Variants in SBF2 observed in about 807,000 individuals in gnomAD.
The protein encoded by SBF2 is myotubularin-related protein 13.
In SBF2, 112 loss-of-function variants were observed where a neutral mutation model predicts 225.2. The ratio of observed to expected loss-of-function variants is 0.50; its 90% CI spans 0.43 to 0.58. The LOEUF (loss-of-function observed/expected upper bound fraction) is 0.58, where lower values mean the gene tolerates loss of function less well. Ranked by LOEUF, SBF2 falls within the 20% of genes least tolerant of loss-of-function variation. The probability of loss-of-function intolerance (pLI) is 0.00; values close to 1 mark genes in which losing one functional copy is unlikely to be tolerated. For synonymous variants in SBF2, 763 were observed against 773.3 expected (o/e 0.99, Z 0.22); for missense variants, 1,996 against 2,206.2 (o/e 0.90, Z 1.91).
chr11:10,005,180 G>A (rs926793456), intron 6 of SBF2, among the ~76,000 whole-genome samples: 1 of 152,190 alleles, frequency 6.6e-6, no homozygotes. Context: ...CTCAGGAGTT[G>A]GCGAGCGGGC....
chr11:10,082,137 T>C (rs1268605361), intron 2 of SBF2, among the ~76,000 whole-genome samples: 1 of 151,896 alleles, frequency 6.6e-6, no homozygotes, highest in Non-Finnish European at 1.5e-5. Context: ...CAAAAGGAAA[T>C]GGATAAGTTC....
intron 33 of SBF2, among the ~76,000 whole-genome samples, chr11:9,795,042 G>A (rs1347782602): frequency 6.6e-6 from 1 of 152,154 alleles, no homozygotes; most frequent in Non-Finnish European, 1.5e-5. Context: ...ATATTGAACA[G>A]AACTGATTTT....
At position 9,822,073 on chromosome 11, in the gene SBF2, G is replaced by A. The variant is rs530239132; in HGVS notation, c.3794-5049C>T. On this transcript the variant is annotated intron_variant, in intron 28 of 39. Transcript: ENST00000256190. Reference sequence around the variant, plus strand: ...AATGACAACTAACATCTATTAAAATGCTACTATGGGCTAGTTACTAAGTTA... The same window carrying A: ...AATGACAACTAACATCTATTAAAATACTACTATGGGCTAGTTACTAAGTTA... Among the ~76,000 whole-genome samples, 221 of 152,148 alleles carry A rather than the reference G, an allele frequency of 1.5e-3. 1 individual carries two copies. Among genetic ancestry groups the A allele is most frequent in the African/African-American group, 5.0e-3 (209 of 41,506 alleles).
Position 9,790,642 on chromosome 11 carries a change from C to T in SBF2, c.4612G>A (p.Gly1538Arg), listed in dbSNP as rs1433835944. The change falls in exon 34 of 40, where the codon GGA becomes AGA. Residue 1538 changes from glycine (G) to arginine (R), a missense_variant. By Grantham distance (125) the Gly-to-Arg change is moderately radical (BLOSUM62 -2). Coordinates refer to ENST00000256190, the MANE Select transcript of SBF2 (RefSeq NM_030962.4). Reference protein sequence around the residue: ...DDKGEKHAKKGVCIWECIDRM... With the variant: ...DDKGEKHAKKRVCIWECIDRM... ...TCAATACATTCCCAAATACAGACTC[C>T]TTTTTTGGCATGCTTTTCTCCTTTA... The T allele has an allele frequency of 2.5e-6, 4 of 1,587,460 alleles. No homozygotes were observed. The Admixed American group carries it at 6.7e-5, about 27-fold the overall frequency.
chr11:10,223,029 C>A (rs757439105), intron 1 of SBF2, among the ~76,000 whole-genome samples: 1 of 151,818 alleles, frequency 6.6e-6, no homozygotes, highest in Non-Finnish European at 1.5e-5. Flanking sequence ...GTCTGTTTAC[C>A]TCTCAAACTG....
chr11:9,934,687 C>A (rs1864750693), intron 16 of SBF2, among the ~76,000 whole-genome samples: 1 of 152,182 alleles, frequency 6.6e-6, no homozygotes, highest in African/African-American at 2.4e-5. Flanking sequence ...ATCACATAAA[C>A]AGAACCAACA....
chr11:10,059,347 G>A (rs763768873), intron 2 of SBF2, among the ~76,000 whole-genome samples: 8 of 151,952 alleles, frequency 5.3e-5, no homozygotes, highest in Non-Finnish European at 7.4e-5. Flanking sequence ...TAAAAAAGCA[G>A]GGGTTGCAAT....
intron 28 of SBF2, among the ~76,000 whole-genome samples, chr11:9,821,669 A>G (rs1381934526): frequency 1.3e-5 from 2 of 152,226 alleles, no homozygotes; most frequent in African/African-American, 4.8e-5. Context: ...AAATCACTCT[A>G]ATAGGTCAAA....
chr11:9,785,339 G>T, intron 36 of SBF2, 21 bp from the exon 37 acceptor site: 2 of 1,604,994 alleles, frequency 1.2e-6, no homozygotes, highest in Non-Finnish European at 1.7e-6. Context: ...CAGGACAGGA[G>T]CTAGGAAACC....
At chr11:10,271,264 C>T (rs1271831263) in intron 1 of SBF2, among the ~76,000 whole-genome samples, 2 of 37,784 alleles carry the variant, frequency 5.3e-5, no homozygotes, top group African/African-American at 1.4e-4. Flanking sequence ...AGTTTTTAAT[C>T]ATTTACAATG....
At chr11:10,151,052 T>G (rs922755295) in intron 2 of SBF2, among the ~76,000 whole-genome samples, 7 of 152,356 alleles carry the variant, frequency 4.6e-5, no homozygotes, top group African/African-American at 1.7e-4. Flanking sequence ...CCCAACTTTC[T>G]ATGCTAAAGG....
intron 13 of SBF2, among the ~76,000 whole-genome samples, chr11:9,985,153 G>A (rs1268858386): frequency 1.3e-5 from 2 of 152,084 alleles, no homozygotes; most frequent in African/African-American, 2.4e-5. Context: ...AAAAGATACA[G>A]AACTGAAGAA....
chr11:9,808,046 C>T lies in SBF2; in HGVS notation c.4397G>A (p.Ser1466Asn), dbSNP rs1853952353. 1 of 1,614,206 alleles carries T rather than the reference C, an allele frequency of 6.2e-7. No individual in the cohort carries two copies. Among genetic ancestry groups the T allele is most frequent in the Non-Finnish European group, 8.5e-7 (1 of 1,180,018 alleles). The change falls in exon 32 of 40, where the codon AGT (serine) becomes AAT (asparagine). Residue 1466 changes from serine (S) to asparagine (N), a missense_variant. Ser to Asn is a conservative substitution (Grantham distance 46). Transcript: ENST00000256190. Reference sequence around the variant, plus strand: ...CTGTAAGAAGACTGGAGCAAAACCACTCCCCTGACAGTTGAGGGTCAAGCT... The same window carrying T: ...CTGTAAGAAGACTGGAGCAAAACCATTCCCCTGACAGTTGAGGGTCAAGCT... ...RSSLTLNCQG[S>N]GFAPVFLQFL...
In SBF2 at chr11:9,856,561, T is replaced by C. The variant is rs745452169; in HGVS notation, c.2260A>G (p.Met754Val). ...FSQAIHFANL[M>V]VNLLVPLDTS... ...TCGAGTGGAACTAGCAGGTTCACCA[T>C]GAGGTTTGCAAAGTGAATGGCCTGA... The change falls in exon 19 of 40, where the codon ATG (methionine) becomes GTG (valine). Residue 754 changes from methionine to valine, a missense_variant. By Grantham distance (21) the Met-to-Val change is conservative. Transcript: ENST00000256190. 4 of 1,609,618 alleles carry C rather than the reference T, an allele frequency of 2.5e-6. No individual in the cohort carries two copies. In the South Asian group the frequency reaches 3.3e-5, roughly 13 times the overall value.
chr11:9,816,704 A>G, intron 29 of SBF2, 136 bp downstream of exon 29: 1 of 648,940 alleles, frequency 1.5e-6, no homozygotes, highest in Non-Finnish European at 2.5e-6. Flanking sequence ...GGAGAGCTAA[A>G]TTTTTTGAGA....
In SBF2 at chr11:10,236,867, A is replaced by G. The variant is rs888066302; in HGVS notation, c.56-42880T>C. On this transcript the variant is annotated intron_variant, in intron 1 of 39. Coordinates refer to ENST00000256190, the MANE Select transcript of SBF2 (RefSeq NM_030962.4). ...ATTTGGACTAACTTCTCTGATGGAA[A>G]CAAATAGAAAAGCTGGATAAATCTG... Among the ~76,000 whole-genome samples, 4 of 152,366 alleles carry G rather than the reference A, an allele frequency of 2.6e-5. No homozygotes were observed. The East Asian group carries it at 5.8e-4, about 22-fold the overall frequency.
chr11:10,252,085 A>T (rs895779950), intron 1 of SBF2, among the ~76,000 whole-genome samples: 2 of 152,234 alleles, frequency 1.3e-5, no homozygotes, highest in African/African-American at 4.8e-5. Flanking sequence ...CCTAGAACAG[A>T]CCAGGTTCTG....
chr11:9,908,469 C>CA (rs988854140), intron 16 of SBF2, among the ~76,000 whole-genome samples: 5 of 151,030 alleles, frequency 3.3e-5, no homozygotes, highest in African/African-American at 1.2e-4. Context: ...ACTAAAAATG[C>CA]AAAAAAAATT....
intron 1 of SBF2, among the ~76,000 whole-genome samples, chr11:10,270,227 A>G (rs1470087026): frequency 6.6e-6 from 1 of 152,214 alleles, no homozygotes; most frequent in Non-Finnish European, 1.5e-5. Flanking sequence ...ACCCCTGTGC[A>G]GTCAAAAATC....
Sources: allele counts gnomAD v4.1 joint callset (sites outside exome capture counted in the v4.1 genomes callset), GRCh38; gene constraint gnomAD v4.1.1; transcripts MANE v1.5; gene names NCBI Gene and HGNC (gene_info 2026-07-23, HGNC 2026-07-21).